Variants in ZFPM2 observed in about 807,000 individuals in gnomAD.
ZFPM2 encodes the protein zinc finger protein, FOG family member 2.
In ZFPM2, 20 loss-of-function variants were observed where a neutral mutation model predicts 98.6. The ratio of observed to expected loss-of-function variants is 0.20; its 90% confidence interval spans 0.14 to 0.29. The LOEUF (loss-of-function observed/expected upper bound fraction) is 0.29. ZFPM2 is among the 10% of genes least tolerant of loss of function. The probability of loss-of-function intolerance (pLI) is 1.00; values close to 1 mark genes in which losing one functional copy is unlikely to be tolerated. For missense variants in ZFPM2, 1,310 were observed against 1,388.6 expected (o/e 0.94, Z 0.90); for synonymous variants, 518 against 502.7 (o/e 1.03, Z -0.41).
intron 3 of ZFPM2, among the ~76,000 whole-genome samples, chr8:105,544,416 A>C (rs77882637): frequency 6.6e-4 from 100 of 152,128 alleles, no homozygotes; most frequent in Admixed American, 1.4e-3. Flanking sequence ...ATGTGTTTGT[A>C]AATTAATTTC....
rs376665588 is a variant in ZFPM2, at chr8:105,386,401, C to T, written c.41-32743C>T. Reference sequence around the variant, plus strand: ...CACTAGTAATCCTGTGTCCGGAATTCGTGGGTTCTTGGTCTCACTGACTTC... The same window carrying T: ...CACTAGTAATCCTGTGTCCGGAATTTGTGGGTTCTTGGTCTCACTGACTTC... On this transcript the variant is annotated intron_variant, in intron 1 of 7. Coordinates refer to ENST00000407775, the MANE Select transcript of ZFPM2 (RefSeq NM_012082.4). Among the ~76,000 whole-genome samples, 41 of 152,162 alleles carry T rather than the reference C, an allele frequency of 2.7e-4. No individual in the cohort carries two copies. The East Asian group carries it at 3.5e-3, about 13-fold the overall frequency.
intron 3 of ZFPM2, among the ~76,000 whole-genome samples, chr8:105,502,699 A>T (rs1040225927): frequency 6.6e-6 from 1 of 152,224 alleles, no homozygotes; most frequent in African/African-American, 2.4e-5. Context: ...GTGACAGGCC[A>T]TGTAGATAAG....
In ZFPM2 at chr8:105,405,327, C is replaced by T. The variant is rs560174898; in HGVS notation, c.41-13817C>T. On this transcript the variant is annotated intron_variant, in intron 1 of 7. Transcript: ENST00000407775. ...TAAGTTTTAGGGTACATGTGCACAA[C>T]GTGCAGGTTTGTTACATATGTATAC... is the stretch of plus-strand genomic sequence containing the variant. 2.3e-3 allele frequency among the ~76,000 whole-genome samples: 352 copies of T among 151,682 alleles called. 4 individuals are homozygous for T. Among genetic ancestry groups the T allele is most frequent in the Non-Finnish European group, 4.1e-3 (278 of 67,852 alleles).
chr8:105,387,963 G>C (rs1233135168), intron 1 of ZFPM2: 1 of 152,242 alleles, frequency 6.6e-6, no homozygotes, highest in East Asian at 1.9e-4. Context: ...TTTTTCTGAT[G>C]CAGTAAGAAA....
intron 5 of ZFPM2, among the ~76,000 whole-genome samples, chr8:105,692,491 CATA>C (rs1366178009): frequency 6.6e-6 from 1 of 152,140 alleles, no homozygotes; most frequent in Non-Finnish European, 1.5e-5. Context: ...TATTGAATCA[CATA>C]ATCAGATTCG....
chr8:105,537,172 C>T (rs1265653730), intron 3 of ZFPM2, among the ~76,000 whole-genome samples: 1 of 151,698 alleles, frequency 6.6e-6, no homozygotes, highest in African/African-American at 2.4e-5. Context: ...TCCAGTTGAC[C>T]CAGTCGTGCC....
At chr8:105,499,273 G>A (rs992399452) in intron 3 of ZFPM2, among the ~76,000 whole-genome samples, 4 of 150,980 alleles carry the variant, frequency 2.6e-5, no homozygotes, top group African/African-American at 7.3e-5. Flanking sequence ...AAAGGGTGGA[G>A]CTGGGAGAGA....
At chr8:105,659,238 G>A (rs1817344104) in intron 5 of ZFPM2, among the ~76,000 whole-genome samples, 1 of 151,898 alleles carries the variant, frequency 6.6e-6, no homozygotes, top group African/African-American at 2.4e-5. Context: ...AACCTAAATG[G>A]CTGATATGTT....
chr8:105,466,719 G>A (rs1331155653), intron 3 of ZFPM2, among the ~76,000 whole-genome samples: 1 of 151,948 alleles, frequency 6.6e-6, no homozygotes, highest in East Asian at 1.9e-4. Context: ...ACCCCATGTA[G>A]CAGTACATAC....
chr8:105,611,691 C>CA (rs200900495), intron 4 of ZFPM2, among the ~76,000 whole-genome samples: 91 of 148,846 alleles, frequency 6.1e-4, no homozygotes, highest in African/African-American at 1.8e-3. Flanking sequence ...AACAAATTAA[C>CA]AAAAAAAAAT....
intron 1 of ZFPM2, among the ~76,000 whole-genome samples, chr8:105,320,869 A>G (rs778307408): frequency 6.6e-6 from 1 of 152,200 alleles, no homozygotes; most frequent in African/African-American, 2.4e-5. Context: ...TTAAGTATCA[A>G]AAATGCTTGA....
intron 5 of ZFPM2, chr8:105,678,555 C>G (rs548533604): frequency 6.6e-6 from 1 of 152,164 alleles, no homozygotes; most frequent in Non-Finnish European, 1.5e-5. Context: ...GGAAATCAGA[C>G]ATCTCTAGGT....
At chr8:105,328,970 A>G (rs1310781813) in intron 1 of ZFPM2, among the ~76,000 whole-genome samples, 1 of 151,832 alleles carries the variant, frequency 6.6e-6, no homozygotes, top group Non-Finnish European at 1.5e-5. Flanking sequence ...TTCATTTGCA[A>G]ATATATTAGG....
intron 5 of ZFPM2, among the ~76,000 whole-genome samples, chr8:105,693,664 A>G (rs1586202069): frequency 2.0e-5 from 3 of 152,284 alleles, no homozygotes; most frequent in East Asian, 3.9e-4. Flanking sequence ...TAGGCCATAT[A>G]TTTTCTATAT....
intron 3 of ZFPM2, among the ~76,000 whole-genome samples, chr8:105,477,245 T>G (rs1234795965): frequency 7.1e-6 from 1 of 140,674 alleles, no homozygotes; most frequent in Non-Finnish European, 1.5e-5. Flanking sequence ...ATCTTTTTTT[T>G]TTTTTTTTTT....
chr8:105,453,382 G>A (rs1426723886), intron 3 of ZFPM2, among the ~76,000 whole-genome samples: 1 of 152,214 alleles, frequency 6.6e-6, no homozygotes, highest in Non-Finnish European at 1.5e-5. Context: ...ATTATCAGTG[G>A]TGGGGCCAGC....
chr8:105,613,957 T>C (rs1816361907), intron 4 of ZFPM2, among the ~76,000 whole-genome samples: 1 of 152,172 alleles, frequency 6.6e-6, no homozygotes, highest in Non-Finnish European at 1.5e-5. Flanking sequence ...CTCTGAAAGC[T>C]GAAAGGAAAT....
intron 3 of ZFPM2, among the ~76,000 whole-genome samples, chr8:105,496,140 GT>G (rs1650950857): frequency 6.6e-6 from 1 of 151,956 alleles, no homozygotes; most frequent in East Asian, 1.9e-4. Context: ...TTACATTTAG[GT>G]TTTGTATCTT....
At chr8:105,529,678 G>A (rs551768399) in intron 3 of ZFPM2, among the ~76,000 whole-genome samples, 2 of 151,838 alleles carry the variant, frequency 1.3e-5, no homozygotes, top group East Asian at 3.9e-4. Context: ...AATAAAATGG[G>A]AATTGCAAGA....
Sources: allele counts gnomAD v4.1 joint callset (sites outside exome capture counted in the v4.1 genomes callset), GRCh38; gene constraint gnomAD v4.1.1; transcripts MANE v1.5; gene names NCBI Gene and HGNC (gene_info 2026-07-23, HGNC 2026-07-21).